SIPA1L1: variants seen among roughly 807,000 people sequenced by gnomAD.
The protein encoded by SIPA1L1 is signal-induced proliferation-associated 1-like protein 1.
SIPA1L1 carries 26 observed loss-of-function variants against 162.7 expected under a neutral mutation model. The ratio of observed to expected loss-of-function variants is 0.16; its 90% CI spans 0.12 to 0.22. The LOEUF (loss-of-function observed/expected upper bound fraction) is 0.22. Among genes scored for constraint, SIPA1L1 ranks in the 10% least tolerant of loss-of-function variants. The pLI is 1.00. For missense variants in SIPA1L1, 1,874 were observed against 2,241.0 expected (o/e 0.84, Z 3.31); for synonymous variants, 829 against 837.4 (o/e 0.99, Z 0.17).
chr14:71,586,312 G>C (rs1260129467), intron 4 of SIPA1L1: 1 of 151,550 alleles, frequency 6.6e-6, no homozygotes, highest in East Asian at 1.9e-4. Context: ...TGTGCTGCAA[G>C]AGAAATGAAA....
intron 10 of SIPA1L1, among the ~76,000 whole-genome samples, chr14:71,666,156 C>T (rs1373378862): frequency 6.6e-6 from 1 of 152,170 alleles, no homozygotes; most frequent in East Asian, 1.9e-4. Context: ...AATACAACCT[C>T]ACCTATGAAT....
intron 2 of SIPA1L1, among the ~76,000 whole-genome samples, chr14:71,473,229 A>T (rs1388389422): frequency 6.6e-6 from 1 of 152,162 alleles, no homozygotes; most frequent in Non-Finnish European, 1.5e-5. Flanking sequence ...GATTACCTTT[A>T]TTTAATTAAA....
At position 71,370,571 on chromosome 14, in the gene SIPA1L1, C is replaced by G. The variant is rs77491172; in HGVS notation, c.-465+49390C>G. Among the ~76,000 whole-genome samples the G allele has an allele frequency of 5.1e-3, 782 of 152,250 alleles. 14 individuals are homozygous for G. The highest frequency in any genetic ancestry group is 0.018 in the African/African-American group (735 of 41,520). On this transcript the variant is annotated intron_variant, in intron 2 of 23. Transcript: ENST00000381232. ...CCCTTCAGTAGTAACACCAACACAA[C>G]AGTAAGGGGCAGTACTTATTTTTGG...
At chr14:71,617,700 G>T (rs1370716309) in intron 5 of SIPA1L1, among the ~76,000 whole-genome samples, 1 of 152,014 alleles carries the variant, frequency 6.6e-6, no homozygotes, top group Non-Finnish European at 1.5e-5. Context: ...GAAATAACAT[G>T]TATTTTCAAA....
At chr14:71,583,688 GA>G (rs1039790281) in intron 4 of SIPA1L1, among the ~76,000 whole-genome samples, 1 of 151,418 alleles carries the variant, frequency 6.6e-6, no homozygotes, top group Non-Finnish European at 1.5e-5. Flanking sequence ...ATCATTTCTT[GA>G]AAAAAAATTT....
intron 16 of SIPA1L1, among the ~76,000 whole-genome samples, chr14:71,707,131 G>GCACGCACACACA (rs879920044): frequency 1.3e-5 from 2 of 149,732 alleles, no homozygotes; most frequent in African/African-American, 4.9e-5. Flanking sequence ...ACACACACAC[G>GCACGCACACACA]CACGCACACA....
intron 4 of SIPA1L1, among the ~76,000 whole-genome samples, chr14:71,561,110 A>C (rs2056753709): frequency 6.6e-6 from 1 of 152,206 alleles, no homozygotes; most frequent in Non-Finnish European, 1.5e-5. Context: ...ATTTGTAATT[A>C]AAATGGCTTG....
chr14:71,671,054 A>G (rs1159172190), intron 10 of SIPA1L1, 65 bp from the exon 11 acceptor site: 9 of 1,303,086 alleles, frequency 6.9e-6, no homozygotes, highest in Non-Finnish European at 9.6e-6. Context: ...GAGAAAGTAT[A>G]TTTTATTCTG....
intron 2 of SIPA1L1, among the ~76,000 whole-genome samples, chr14:71,454,638 G>A (rs1416152515): frequency 6.6e-6 from 1 of 152,146 alleles, no homozygotes; most frequent in Non-Finnish European, 1.5e-5. Flanking sequence ...TTAGAAAATG[G>A]ACACTTAGAA....
intron 20 of SIPA1L1, among the ~76,000 whole-genome samples, chr14:71,730,746 C>CA (rs2084687336): frequency 6.6e-6 from 1 of 152,150 alleles, no homozygotes; most frequent in African/African-American, 2.4e-5. Context: ...GTCAACCACT[C>CA]ATTTGTTGAC....
At chr14:71,563,568 A>C (rs2056959414) in intron 4 of SIPA1L1, among the ~76,000 whole-genome samples, 1 of 152,190 alleles carries the variant, frequency 6.6e-6, no homozygotes, top group Non-Finnish European at 1.5e-5. Flanking sequence ...AATGATTTTG[A>C]GTGTAACATC....
intron 5 of SIPA1L1, among the ~76,000 whole-genome samples, chr14:71,600,144 T>C (rs554827535): frequency 4.6e-5 from 7 of 152,354 alleles, no homozygotes; most frequent in African/African-American, 9.6e-5. Flanking sequence ...ATTCTTGTTT[T>C]CGTTGCCTGT....
chr14:71,401,579 C>CT (rs977481106), intron 2 of SIPA1L1, among the ~76,000 whole-genome samples: 12 of 152,078 alleles, frequency 7.9e-5, no homozygotes, highest in Non-Finnish European at 1.5e-4. Context: ...TGAAATGTAG[C>CT]TTTTTTGTGT....
intron 2 of SIPA1L1, among the ~76,000 whole-genome samples, chr14:71,378,107 CTTT>C: frequency 6.8e-6 from 1 of 146,122 alleles, no homozygotes. Context: ...TGTGTTTTGT[CTTT>C]TTTTTTTTGA....
At chr14:71,730,541 A>G (rs932367477) in intron 20 of SIPA1L1, among the ~76,000 whole-genome samples, 1 of 152,184 alleles carries the variant, frequency 6.6e-6, no homozygotes, top group African/African-American at 2.4e-5. Context: ...CTGAGTTTGA[A>G]TCTCCAAAAG....
chr14:71,356,298 T>A (rs2037231658), intron 2 of SIPA1L1, among the ~76,000 whole-genome samples: 1 of 152,030 alleles, frequency 6.6e-6, no homozygotes, highest in Non-Finnish European at 1.5e-5. Flanking sequence ...CAAAGATGAT[T>A]TGGGGCTCCA....
intron 2 of SIPA1L1, among the ~76,000 whole-genome samples, chr14:71,410,363 G>A (rs1402748079): frequency 6.6e-6 from 1 of 152,170 alleles, no homozygotes; most frequent in East Asian, 1.9e-4. Context: ...TAAGCAGGGT[G>A]AGGGGCATTT....
At chr14:71,595,983 G>C (rs760659116) in intron 5 of SIPA1L1, among the ~76,000 whole-genome samples, 1 of 152,122 alleles carries the variant, frequency 6.6e-6, no homozygotes, top group Non-Finnish European at 1.5e-5. Context: ...CTAACCTTTT[G>C]TCTTTGCCAG....
intron 2 of SIPA1L1, among the ~76,000 whole-genome samples, chr14:71,489,947 A>G (rs887563155): frequency 5.3e-5 from 8 of 152,182 alleles, no homozygotes; most frequent in African/African-American, 1.9e-4. Context: ...CATTTATGCA[A>G]GTGAATAATC....
Sources: allele counts gnomAD v4.1 joint callset (sites outside exome capture counted in the v4.1 genomes callset), GRCh38; gene constraint gnomAD v4.1.1; transcripts MANE v1.5; gene names NCBI Gene and HGNC (gene_info 2026-07-23, HGNC 2026-07-21).